SHLD1: variants seen among roughly 807,000 people sequenced by gnomAD.
SHLD1 encodes the protein shieldin complex subunit 1, also known as RINN1-REV7-interacting novel NHEJ regulator 3.
SHLD1 carries 3 observed loss-of-function variants against 5.5 expected under a neutral mutation model. The observed-to-expected ratio is 0.54, with a 90% CI of 0.25 to 1.40. The LOEUF is 1.40. Ranked by LOEUF, SHLD1 falls within the 40% of genes most tolerant of loss-of-function variation. SHLD1 has a pLI of 0.15. For synonymous variants in SHLD1, 92 were observed against 94.3 expected, an observed-to-expected ratio of 0.98 and a Z score of 0.14; for missense variants, 210 against 244.4, an observed-to-expected ratio of 0.86 and a Z score of 0.94.
In SHLD1 at chr20:5,765,844, C is replaced by G. The variant is rs142711360; in HGVS notation, c.-4-7018C>G. Among the ~76,000 whole-genome samples the G allele has an allele frequency of 7.1e-3, 947 of 132,968 alleles. 13 individuals are homozygous for G. The highest frequency in any genetic ancestry group is 0.026 in the African/African-American group (921 of 35,612). 87.2% of individuals were successfully genotyped at this position (132,968 alleles called of 152,430 possible). On this transcript the variant is annotated intron_variant, in intron 1 of 2. Transcript: ENST00000303142. ...ATGTTGGCCAGGCTGGTCTCAAACT[C>G]CTGACCTCACGTGATCCACCCATCT... is the stretch of plus-strand genomic sequence containing the variant.
intron 2 of SHLD1, among the ~76,000 whole-genome samples, chr20:5,802,805 C>T (rs2087313230): frequency 6.6e-6 from 1 of 152,072 alleles, no homozygotes; most frequent in East Asian, 1.9e-4. Flanking sequence ...CGCCACGTTG[C>T]CCAGTGTCTC....
intron 1 of SHLD1, 125 bp from the exon 2 acceptor site, chr20:5,772,737 C>T: frequency 2.1e-6 from 2 of 943,024 alleles, no homozygotes; most frequent in South Asian, 2.0e-5. Context: ...CTTAGTGAGA[C>T]CTGATCTCTA....
chr20:5,805,313 A>C (rs1015699506), intron 2 of SHLD1, among the ~76,000 whole-genome samples: 1 of 152,006 alleles, frequency 6.6e-6, no homozygotes, highest in African/African-American at 2.4e-5. Flanking sequence ...ATGTGCCACC[A>C]TGCCTGGCTA....
chr20:5,802,381 A>G (rs1426462145), intron 2 of SHLD1, among the ~76,000 whole-genome samples: 1 of 152,112 alleles, frequency 6.6e-6, no homozygotes. Context: ...TCTGCTACCC[A>G]CTAGCTCTGT....
chr20:5,780,185 G>T (rs896312664), intron 2 of SHLD1, among the ~76,000 whole-genome samples: 8 of 151,868 alleles, frequency 5.3e-5, no homozygotes, highest in Non-Finnish European at 8.8e-5. Context: ...TGCCATGTTG[G>T]CCAGTCTGGT....
At chr20:5,773,453 G>C (rs1985283803) in intron 2 of SHLD1, 2 of 374,312 alleles carry the variant, frequency 5.3e-6, no homozygotes, top group South Asian at 7.9e-5. Context: ...AGCATTCCTT[G>C]TATGAAGTAT....
At chr20:5,804,915 A>G (rs952955377) in intron 2 of SHLD1, among the ~76,000 whole-genome samples, 13 of 152,184 alleles carry the variant, frequency 8.5e-5, no homozygotes, top group African/African-American at 3.1e-4. Context: ...TTTGCCCTGA[A>G]CAGGAAATCT....
chr20:5,764,215 G>A (rs1267558829), intron 1 of SHLD1, among the ~76,000 whole-genome samples: 46 of 109,312 alleles, frequency 4.2e-4, no homozygotes, highest in African/African-American at 1.6e-3. Context: ...ATATTTGTGT[G>A]TGTGTATATA....
rs532294203 is a variant in SHLD1, at chr20:5,784,602, C to T, written c.178+11559C>T. Among the ~76,000 whole-genome samples, 766 of 152,108 alleles carry T rather than the reference C, an allele frequency of 5.0e-3. 1 individual carries two copies. Among genetic ancestry groups the T allele is most frequent in the Non-Finnish European group, 7.9e-3 (535 of 67,932 alleles). On this transcript the variant is annotated intron_variant, in intron 2 of 2. Coordinates refer to ENST00000303142, the MANE Select transcript of SHLD1 (RefSeq NM_152504.4). Reference sequence around the variant, plus strand: ...AGTAGCTGGGACTACAGGCGCCCGCCACCACGCCCGGCTAATTTTTTATAT... The same window carrying T: ...AGTAGCTGGGACTACAGGCGCCCGCTACCACGCCCGGCTAATTTTTTATAT...
intron 2 of SHLD1, among the ~76,000 whole-genome samples, chr20:5,820,053 T>C (rs2087588496): frequency 6.6e-6 from 1 of 152,228 alleles, no homozygotes; most frequent in Non-Finnish European, 1.5e-5. Flanking sequence ...GTTCAAGTGA[T>C]TATCCCGCCT....
intron 1 of SHLD1, chr20:5,771,886 T>TTC (rs1985179352): frequency 6.1e-6 from 1 of 163,230 alleles, no homozygotes; most frequent in African/African-American, 2.6e-5. Context: ...TTTTTTTTTT[T>TTC]TTTTTGAGAT....
At chr20:5,847,667 C>CG (rs1318404072) in intron 2 of SHLD1, among the ~76,000 whole-genome samples, 2 of 152,108 alleles carry the variant, frequency 1.3e-5, no homozygotes, top group Non-Finnish European at 2.9e-5. Flanking sequence ...AAAGCAGCTC[C>CG]GCCATAGAAG....
Position 5,806,295 on chromosome 20 carries a change from G to A in SHLD1, c.178+33252G>A, listed in dbSNP as rs423746. 9.3e-3 allele frequency among the ~76,000 whole-genome samples: 1,411 copies of A among 152,328 alleles called. 21 individuals carry two copies. Among genetic ancestry groups the A allele is most frequent in the African/African-American group, 0.031 (1,309 of 41,572 alleles). On this transcript the variant is annotated intron_variant, in intron 2 of 2. Transcript: ENST00000303142. The surrounding 1 kb of genome is among the most constrained non-coding windows in gnomAD (Gnocchi z 7.6). Reference sequence around the variant, plus strand: ...CACAAACTTTAAAACTGTTGCTTACGCATCATGCTATTGGTCCACAGTATA... The same window carrying A: ...CACAAACTTTAAAACTGTTGCTTACACATCATGCTATTGGTCCACAGTATA...
intron 1 of SHLD1, among the ~76,000 whole-genome samples, chr20:5,768,998 C>G (rs1985000433): frequency 6.6e-6 from 1 of 151,510 alleles, no homozygotes; most frequent in East Asian, 1.9e-4. Context: ...CTTGACCTCC[C>G]AGGCTCAAGT....
rs570289743 is a variant in SHLD1, at chr20:5,808,622, T to G, written c.178+35579T>G. On this transcript the variant is annotated intron_variant, in intron 2 of 2. Transcript: ENST00000303142. ...ATCATAGTTTATTTAACGAGATGTC[T>G]ATTGATGGATGTTTAGATTGACCCA... Among the ~76,000 whole-genome samples the G allele has an allele frequency of 1.1e-3, 164 of 152,334 alleles. 1 individual carries two copies. Among genetic ancestry groups the G allele is most frequent in the African/African-American group, 3.8e-3 (158 of 41,582 alleles).
chr20:5,835,823 G>T (rs2087782319), intron 2 of SHLD1, among the ~76,000 whole-genome samples: 1 of 152,196 alleles, frequency 6.6e-6, no homozygotes, highest in Non-Finnish European at 1.5e-5. Context: ...GTGTTATACA[G>T]GAAAAGTTGC....
chr20:5,811,817 C>G (rs2087462000), intron 2 of SHLD1, among the ~76,000 whole-genome samples: 2 of 151,716 alleles, frequency 1.3e-5, no homozygotes, highest in Admixed American at 1.3e-4. Context: ...GACCATGCCA[C>G]TGCACTCCAG....
At position 5,760,585 on chromosome 20, in the gene SHLD1, C is replaced by T. The variant is rs189106151; in HGVS notation, c.-5+10106C>T. The stretch of plus-strand genomic sequence containing the variant: ...GCTTGCACCTGTAGTCCTGGCTATC[C>T]GGGAGGCTGAGGCAGGAGAATTGCT... On this transcript the variant is annotated intron_variant, in intron 1 of 2. Transcript: ENST00000303142. Among the ~76,000 whole-genome samples, 95 of 151,760 alleles carry T rather than the reference C, an allele frequency of 6.3e-4. 1 individual carries two copies. The highest frequency in any genetic ancestry group is 5.0e-3 in the Admixed American group (76 of 15,214).
chr20:5,771,323 G>A (rs1251127458), intron 1 of SHLD1, among the ~76,000 whole-genome samples: 1 of 152,168 alleles, frequency 6.6e-6, no homozygotes, highest in East Asian at 1.9e-4. Flanking sequence ...ACTTCTTCAA[G>A]TCTGCTAAAA....
Sources: allele counts gnomAD v4.1 joint callset (sites outside exome capture counted in the v4.1 genomes callset), GRCh38; gene constraint gnomAD v4.1.1; non-coding constraint Gnocchi (gnomAD v3.1); transcripts MANE v1.5; gene names NCBI Gene and HGNC (gene_info 2026-07-23, HGNC 2026-07-21).